SLC25A13: variants seen among roughly 807,000 people sequenced by gnomAD.
SLC25A13 encodes solute carrier family 25 member 13.
A neutral mutation model predicts 85.5 loss-of-function variants in SLC25A13; 70 were observed. The ratio of observed to expected loss-of-function variants is 0.82; its 90% CI spans 0.68 to 1.00. The LOEUF is 1.00. Ranked by LOEUF, SLC25A13 falls within the 50% of genes least tolerant of loss-of-function variation. The pLI is 0.00. For synonymous variants in SLC25A13, 259 were observed against 288.7 expected (o/e 0.90, Z 1.04); for missense variants, 765 against 819.8 (o/e 0.93, Z 0.82).
chr7:96,224,232 G>C (rs574490832), intron 4 of SLC25A13, among the ~76,000 whole-genome samples: 3 of 152,208 alleles, frequency 2.0e-5, no homozygotes, highest in African/African-American at 7.2e-5. Context: ...ATGATCACTG[G>C]CATGGTACCC....
intron 5 of SLC25A13, among the ~76,000 whole-genome samples, chr7:96,200,594 C>CCAT (rs1795218892): frequency 6.6e-6 from 1 of 151,484 alleles, no homozygotes; most frequent in Non-Finnish European, 1.5e-5. Flanking sequence ...GGGTGAAATT[C>CCAT]CATCCCCAAT....
At chr7:96,271,455 G>C (rs557406215) in intron 3 of SLC25A13, among the ~76,000 whole-genome samples, 1 of 152,174 alleles carries the variant, frequency 6.6e-6, no homozygotes, top group Non-Finnish European at 1.5e-5. Context: ...CTGTGTCACA[G>C]TAAAACACTG....
intron 14 of SLC25A13, among the ~76,000 whole-genome samples, chr7:96,134,590 T>G (rs1792183624): frequency 6.6e-6 from 1 of 151,792 alleles, no homozygotes; most frequent in African/African-American, 2.4e-5. Flanking sequence ...CAGTTGGGTC[T>G]TCTGAAGAAG....
intron 3 of SLC25A13, among the ~76,000 whole-genome samples, chr7:96,248,357 A>G (rs901890753): frequency 1.1e-4 from 16 of 152,196 alleles, no homozygotes; most frequent in African/African-American, 3.9e-4. Context: ...AGGGGGACTC[A>G]TAGAAGTTCA....
intron 6 of SLC25A13, among the ~76,000 whole-genome samples, chr7:96,191,506 C>T (rs1362443301): frequency 6.6e-6 from 1 of 152,112 alleles, no homozygotes; most frequent in Non-Finnish European, 1.5e-5. Context: ...AGGATTATAA[C>T]AGGACTAGTA....
At chr7:96,264,071 A>C (rs1797954940) in intron 3 of SLC25A13, among the ~76,000 whole-genome samples, 1 of 151,882 alleles carries the variant, frequency 6.6e-6, no homozygotes, top group African/African-American at 2.4e-5. Flanking sequence ...CTATCATCAT[A>C]ATTACTCCCT....
intron 3 of SLC25A13, among the ~76,000 whole-genome samples, chr7:96,253,597 G>C (rs1797517740): frequency 6.6e-6 from 1 of 152,144 alleles, no homozygotes; most frequent in African/African-American, 2.4e-5. Context: ...ATTGTTATCA[G>C]GACAGCAGTT....
intron 15 of SLC25A13, among the ~76,000 whole-genome samples, chr7:96,124,148 G>C (rs1208835001): frequency 6.6e-6 from 1 of 152,200 alleles, no homozygotes. Flanking sequence ...GGCCCAGCTA[G>C]AGTAGAATAT....
chr7:96,266,355 A>G (rs1335729324), intron 3 of SLC25A13, among the ~76,000 whole-genome samples: 2 of 152,038 alleles, frequency 1.3e-5, no homozygotes, highest in Non-Finnish European at 2.9e-5. Flanking sequence ...TCTCTCCTAC[A>G]TTGTCAATCT....
At chr7:96,296,611 G>T (rs181369778) in intron 2 of SLC25A13, among the ~76,000 whole-genome samples, 3 of 151,968 alleles carry the variant, frequency 2.0e-5, no homozygotes, top group Admixed American at 2.0e-4. Flanking sequence ...CTCCTGAATA[G>T]CCAGGATTAC....
At position 96,194,442 on chromosome 7, in the gene SLC25A13, C is replaced by CAAAAAAAAAAAAAAAAAAAAAAA. The variant is rs546248549; in HGVS notation, c.469-1282_469-1260dup. Among the ~76,000 whole-genome samples, 4 of 27,694 alleles carry CAAAAAAAAAAAAAAAAAAAAAAA rather than the reference C, an allele frequency of 1.4e-4. 1 individual carries two copies. Among genetic ancestry groups the CAAAAAAAAAAAAAAAAAAAAAAA allele is most frequent in the African/African-American group, 1.1e-4 (1 of 9,252 alleles). The allele number at this position is 27,694 out of a possible 152,430, so 18.2% of individuals were successfully genotyped here. A position where few individuals can be genotyped will look rare whatever the true frequency, so the allele number is the denominator to read the frequency against. ...TGGGTGACAGAGTGAAACCTTGTCTCAAAAAAAAAAAAAAAAAAAAAAAAA... is the reference window on the plus strand; with the variant it reads ...TGGGTGACAGAGTGAAACCTTGTCTCAAAAAAAAAAAAAAAAAAAAAAAAAAAAAAAAAAAAAAAAAAAAAAAA... On this transcript the variant is annotated intron_variant, in intron 5 of 17. Transcript: ENST00000265631.
intron 4 of SLC25A13, among the ~76,000 whole-genome samples, chr7:96,214,502 G>A (rs554222426): frequency 2.6e-4 from 40 of 152,308 alleles, no homozygotes; most frequent in African/African-American, 8.7e-4. Context: ...CCAGGCAGGC[G>A]GATCATTTCA....
chr7:96,252,553 A>G (rs574443745), intron 3 of SLC25A13, among the ~76,000 whole-genome samples: 80 of 152,314 alleles, frequency 5.3e-4, no homozygotes, highest in Middle Eastern at 3.4e-3. Context: ...ATTTAGCACC[A>G]TGAGATGGGA....
chr7:96,272,180 G>A (rs1043990178), intron 3 of SLC25A13, among the ~76,000 whole-genome samples: 4 of 152,048 alleles, frequency 2.6e-5, no homozygotes, highest in African/African-American at 9.7e-5. Flanking sequence ...AAGCCACCAC[G>A]CTCAGCCTAT....
chr7:96,127,303 A>C (rs1419977560), intron 15 of SLC25A13, among the ~76,000 whole-genome samples: 2 of 152,222 alleles, frequency 1.3e-5, no homozygotes, highest in African/African-American at 4.8e-5. Flanking sequence ...TTCGGTCTTC[A>C]CTTTCTGACA....
intron 11 of SLC25A13, 124 bp from the exon 12 acceptor site, chr7:96,171,648 A>G: frequency 1.3e-6 from 1 of 779,756 alleles, no homozygotes; most frequent in Non-Finnish European, 2.2e-6. Context: ...TTCTGCTATT[A>G]CCCTTAATGA....
intron 15 of SLC25A13, among the ~76,000 whole-genome samples, chr7:96,131,471 A>G (rs963700406): frequency 6.6e-6 from 1 of 152,206 alleles, no homozygotes; most frequent in Non-Finnish European, 1.5e-5. Context: ...AATGATATGG[A>G]ACTTGAATTG....
intron 3 of SLC25A13, among the ~76,000 whole-genome samples, chr7:96,251,796 T>C (rs1242307024): frequency 6.6e-6 from 1 of 152,242 alleles, no homozygotes; most frequent in Non-Finnish European, 1.5e-5. Context: ...TGCAGGGGTG[T>C]GTACATTTAC....
chr7:96,316,309 A>G (rs768401999), intron 1 of SLC25A13, among the ~76,000 whole-genome samples: 5 of 152,214 alleles, frequency 3.3e-5, no homozygotes, highest in Non-Finnish European at 7.3e-5. Flanking sequence ...GGTATATGAC[A>G]ATTCCTGTCC....
Sources: gnomAD v4.1 joint callset for allele counts (sites outside exome capture counted in the v4.1 genomes callset) on GRCh38, gnomAD v4.1.1 for gene constraint, MANE v1.5 for transcripts, NCBI Gene and HGNC (gene_info 2026-07-23, HGNC 2026-07-21) for gene names.